The following GPX5 variants were observed in gnomAD, a reference collection of about 807,000 sequenced individuals.
GPX5 encodes the protein epididymal secretory glutathione peroxidase.
A neutral mutation model predicts 23.8 loss-of-function variants in GPX5; 20 were observed. The ratio of observed to expected loss-of-function variants is 0.84; its 90% CI spans 0.59 to 1.22. GPX5 has a LOEUF of 1.22. GPX5 is among the 50% of genes most tolerant of loss of function. GPX5 has a pLI of 0.00. For missense variants in GPX5, 230 were observed against 266.6 expected, an observed-to-expected ratio of 0.86 and a Z score of 0.96; for synonymous variants, 92 against 99.5, an observed-to-expected ratio of 0.92 and a Z score of 0.45.
chr6:28,529,592 G>A lies in GPX5; in HGVS notation c.229G>A (p.Ala77Thr). Residue 77 changes from alanine to threonine, a missense_variant, in exon 2 of 5, where the codon GCG (alanine) becomes ACG (threonine). By Grantham distance (58) the Ala-to-Thr change is moderately conservative. Coordinates refer to ENST00000412168, the MANE Select transcript of GPX5 (RefSeq NM_001509.3). Reference sequence around the variant, plus strand: ...CGTGGCCACCTACTGTGGTCTGACAGCGCAATATCCTGGTAAGAGAATTCA... The same window carrying A: ...CGTGGCCACCTACTGTGGTCTGACAACGCAATATCCTGGTAAGAGAATTCA... ...VNVATYCGLT[A>T]QYPELNALQE... 1 of 1,608,858 alleles carries A rather than the reference G, an allele frequency of 6.2e-7. No homozygotes were observed. The highest frequency in any genetic ancestry group is 8.5e-7 in the Non-Finnish European group (1 of 1,176,826).
chr6:28,531,782 A>G lies in GPX5; in HGVS notation c.246A>G (p.Leu82=). 6.2e-7 allele frequency: 1 copy of G among 1,604,682 alleles called. No individual in the cohort carries two copies. Among genetic ancestry groups the G allele is most frequent in the Non-Finnish European group, 8.5e-7 (1 of 1,174,426 alleles). ...YCGLTAQYPE[L]NALQEELKPY... ...TTGTTCCTCCTCTAACTGCAGAACT[A>G]AATGCACTCCAGGAGGAGCTGAAGC... Residue 82 remains leucine (L), a synonymous_variant, in exon 3 of 5, where the codon CTA becomes CTG. Transcript: ENST00000412168.
In GPX5 at chr6:28,529,522, T is replaced by C; in HGVS notation, c.159T>C (p.Tyr53=). ...YEAIALNKNE[Y]VSFKQYVGKH... The stretch of plus-strand genomic sequence containing the variant: ...CCATCGCACTTAATAAGAATGAATA[T>C]GTTTCCTTCAAGCAGTATGTGGGCA... The change falls in exon 2 of 5, where the codon TAT becomes TAC. Residue 53 remains tyrosine (Y), a synonymous_variant. Transcript: ENST00000412168. 1 of 1,613,630 alleles carries C rather than the reference T, an allele frequency of 6.2e-7. No homozygotes were observed. The highest frequency in any genetic ancestry group is 1.6e-4 in the Middle Eastern group (1 of 6,062).
At chr6:28,531,446 T>C (rs1206872745) in intron 2 of GPX5, among the ~76,000 whole-genome samples, 1 of 148,562 alleles carries the variant, frequency 6.7e-6, no homozygotes, top group Non-Finnish European at 1.5e-5. Context: ...GTTGAACTTT[T>C]GAATAATAAA....
chr6:28,534,363 T>C lies in GPX5; in HGVS notation c.*196T>C. 1 of 456,050 alleles carries C rather than the reference T, an allele frequency of 2.2e-6. No individual in the cohort carries two copies. The highest frequency in any genetic ancestry group is 3.8e-6 in the Non-Finnish European group (1 of 260,996). 28.3% of individuals were successfully genotyped at this position (456,050 alleles called of 1,614,324 possible). ...AGATTTATATTTGGAAGGCTACTGC[T>C]CTTTTGCCTCTCAAGAGTATGTGGG... is the stretch of plus-strand genomic sequence containing the variant. On this transcript the variant is annotated 3_prime_UTR_variant, in exon 5 of 5. Coordinates refer to ENST00000412168, the MANE Select transcript of GPX5 (RefSeq NM_001509.3).
chr6:28,533,305 T>A (rs1269560861), intron 4 of GPX5, among the ~76,000 whole-genome samples: 1 of 152,140 alleles, frequency 6.6e-6, no homozygotes, highest in African/African-American at 2.4e-5. Flanking sequence ...TAAGACTTTA[T>A]ATATCCTCAA....
Position 28,533,892 on chromosome 6 carries a change from G to T in GPX5, c.460-69G>T, listed in dbSNP as rs1452712668. 4.8e-6 allele frequency: 5 copies of T among 1,033,840 alleles called. No homozygotes were observed. The South Asian group carries it at 1.0e-4, about 21-fold the overall frequency. The allele number at this position is 1,033,840 out of a possible 1,614,324, so 64.0% of individuals were successfully genotyped here. Reference sequence around the variant, plus strand: ...TATAGGAGGGGGTGGATTACCTGTGGGTAAAAATAGCCTGGATCATCCAGG... The same window carrying T: ...TATAGGAGGGGGTGGATTACCTGTGTGTAAAAATAGCCTGGATCATCCAGG... On this transcript the variant is annotated intron_variant, in intron 4 of 4. Transcript: ENST00000412168.
At chr6:28,531,944 C>T (rs1163990633) in intron 3 of GPX5, 49 bp downstream of exon 3, 1 of 1,314,888 alleles carries the variant, frequency 7.6e-7, no homozygotes, top group African/African-American at 1.5e-5. Context: ...TACCTTTCCT[C>T]AGTCTCCAGA....
chr6:28,531,889 G>A lies in GPX5; in HGVS notation c.353G>A (p.Gly118Glu). ...EPGDNKEILP[G>E]LKYVRPGGGF... is the part of the protein sequence containing the mutation. Reference sequence around the variant, plus strand: ...GGAGATAACAAAGAGATTCTTCCTGGGCTCAAGTACGTGTCTTCTTGAAAT... The same window carrying A: ...GGAGATAACAAAGAGATTCTTCCTGAGCTCAAGTACGTGTCTTCTTGAAAT... Residue 118 changes from glycine to glutamate, a missense_variant, in exon 3 of 5, where the codon GGG (glycine) becomes GAG (glutamate). By Grantham distance (98) the Gly-to-Glu change is moderately conservative (BLOSUM62 -2). Transcript: ENST00000412168. The A allele has an allele frequency of 6.2e-7, 1 of 1,609,618 alleles. No individual in the cohort carries two copies.
At chr6:28,532,037 A>G (rs1410374956) in intron 3 of GPX5, 142 bp downstream of exon 3, 2 of 743,244 alleles carry the variant, frequency 2.7e-6, no homozygotes, top group Non-Finnish European at 4.7e-6. Context: ...ACTTTGGCCT[A>G]CCGTGATGAG....
At chr6:28,532,540 A>G in intron 4 of GPX5, 120 bp downstream of exon 4, 1 of 669,768 alleles carries the variant, frequency 1.5e-6, no homozygotes, top group Non-Finnish European at 2.6e-6. Flanking sequence ...TTGTGGAGAA[A>G]AATCTCCAGA....
chr6:28,529,271 T>C, intron 1 of GPX5, 180 bp from the exon 2 acceptor site: 1 of 459,552 alleles, frequency 2.2e-6, no homozygotes, highest in Non-Finnish European at 3.8e-6. Context: ...TTATGAGACT[T>C]GATTTTTTAT....
chr6:28,532,178 G>C, intron 3 of GPX5, 143 bp from the exon 4 acceptor site: 1 of 641,012 alleles, frequency 1.6e-6, no homozygotes. Context: ...AGAGCCCAAA[G>C]TCAAAACATG....
rs1027594505 is a variant in GPX5 at position 28,534,835 on chromosome 6, C to T, written c.*668C>T. ...CTTTAGTGCATTCAGGTTATGGCAC[C>T]TGGAGAGGAATGCCCTTTATCTTTT... On this transcript the variant is annotated 3_prime_UTR_variant, in exon 5 of 5. Transcript: ENST00000412168. The T allele has an allele frequency of 1.3e-5, 2 of 152,210 alleles. No individual in the cohort carries two copies. The highest frequency in any genetic ancestry group is 2.9e-5 in the Non-Finnish European group (2 of 68,058). The allele number at this position is 152,210 out of a possible 1,614,324, so 9.4% of individuals were successfully genotyped here. A position where few individuals can be genotyped will look rare whatever the true frequency, so the allele number is the denominator to read the frequency against.
Position 28,534,885 on chromosome 6 carries a change from C to T in GPX5, c.*718C>T, listed in dbSNP as rs1763400033. The T allele has an allele frequency of 3.9e-5, 6 of 152,202 alleles. 1 individual carries two copies. In the South Asian group the frequency reaches 1.2e-3, roughly 32 times the overall value. The allele number at this position is 152,202 out of a possible 1,614,324, so 9.4% of individuals were successfully genotyped here. ...TGAAGGATGGGATTTCCCATCTCAA[C>T]CCTGGATTCCTCACCTTCAGAACGA... On this transcript the variant is annotated 3_prime_UTR_variant, in exon 5 of 5. Coordinates refer to ENST00000412168, the MANE Select transcript of GPX5 (RefSeq NM_001509.3).
Position 28,529,365 on chromosome 6 carries a change from A to G in GPX5, c.88-86A>G, listed in dbSNP as rs371444118. On this transcript the variant is annotated intron_variant, in intron 1 of 4. Transcript: ENST00000412168. ...TTGTTTTCTAGATCTTGGTTAGAAC[A>G]TAACTATTCTTTGACTTCTTTGAAA... is the stretch of plus-strand genomic sequence containing the variant. 182 of 1,091,738 alleles carry G rather than the reference A, an allele frequency of 1.7e-4. 2 individuals are homozygous for G. In the East Asian group the frequency reaches 3.1e-3, roughly 18 times the overall value. The allele number at this position is 1,091,738 out of a possible 1,614,324, so 67.6% of individuals were successfully genotyped here. A position where few individuals can be genotyped will look rare whatever the true frequency, so the allele number is the denominator to read the frequency against.
chr6:28,531,751 C>T (rs1265108268), intron 2 of GPX5, 27 bp from the exon 3 acceptor site: 3 of 1,502,162 alleles, frequency 2.0e-6, no homozygotes, highest in Non-Finnish European at 2.8e-6. Context: ...TCTACCTAGA[C>T]CAAAATTGTT....
At position 28,534,204 on chromosome 6, in the gene GPX5, C is replaced by T; in HGVS notation, c.*37C>T. 2 of 1,437,904 alleles carry T rather than the reference C, an allele frequency of 1.4e-6. No individual in the cohort carries two copies. Among genetic ancestry groups the T allele is most frequent in the Non-Finnish European group, 1.9e-6 (2 of 1,067,040 alleles). 89.1% of individuals were successfully genotyped at this position (1,437,904 alleles called of 1,614,324 possible). ...TAAGGGCAGGAGCAACCCTACTTCT[C>T]ACCTAATGACTTGCTCTCCCCACCC... On this transcript the variant is annotated 3_prime_UTR_variant, in exon 5 of 5. Coordinates refer to ENST00000412168, the MANE Select transcript of GPX5 (RefSeq NM_001509.3).
chr6:28,531,918 A>G (rs368201403), intron 3 of GPX5, 23 bp downstream of exon 3: 5 of 1,514,208 alleles, frequency 3.3e-6, no homozygotes, highest in African/African-American at 2.7e-5. Context: ...TTGAAATCCA[A>G]TAGGAGGCGC....
At chr6:28,532,448 T>TC (rs747541520) in intron 4 of GPX5, 28 bp downstream of exon 4, 4 of 1,354,024 alleles carry the variant, frequency 3.0e-6, no homozygotes, top group Non-Finnish European at 4.2e-6. Context: ...ATAAGCCTCC[T>TC]CCTCTTTTCT....
Sources: allele counts gnomAD v4.1 joint callset (sites outside exome capture counted in the v4.1 genomes callset), GRCh38; gene constraint gnomAD v4.1.1; transcripts MANE v1.5; gene names NCBI Gene and HGNC (gene_info 2026-07-23, HGNC 2026-07-21).